The following ATG2A variants were observed in gnomAD, a reference collection of about 807,000 sequenced individuals.
ATG2A encodes autophagy related 2A.
In ATG2A, 103 loss-of-function variants were observed where a neutral mutation model predicts 214.2. The ratio of observed to expected loss-of-function variants is 0.48; its 90% confidence interval spans 0.41 to 0.57. The LOEUF (loss-of-function observed/expected upper bound fraction) is 0.57. ATG2A is among the 20% of genes least tolerant of loss of function. The probability of loss-of-function intolerance (pLI) is 0.00; values close to 1 mark genes in which losing one functional copy is unlikely to be tolerated. For synonymous variants in ATG2A, 1,160 were observed against 1,142.1 expected, an observed-to-expected ratio of 1.02 and a Z score of -0.32; for missense variants, 2,312 against 2,613.2, an observed-to-expected ratio of 0.88 and a Z score of 2.51.
In ATG2A at chr11:64,906,099, C is replaced by T. The variant is rs751168549; in HGVS notation, c.3264+14G>A. On this transcript the variant is annotated intron_variant, in intron 22 of 40. Coordinates refer to ENST00000377264, the MANE Select transcript of ATG2A (RefSeq NM_015104.3). ...AGTCACTGGGCCATGTGGCTTCCCA[C>T]CACCCACGCTCACCTGGGAATGCCA... The T allele has an allele frequency of 6.4e-7, 1 of 1,562,630 alleles. No homozygotes were observed. The highest frequency in any genetic ancestry group is 1.9e-5 in the Admixed American group (1 of 52,526).
chr11:64,904,453 G>A (rs1785412905), intron 24 of ATG2A, among the ~76,000 whole-genome samples: 2 of 152,060 alleles, frequency 1.3e-5, no homozygotes, highest in South Asian at 2.1e-4. Flanking sequence ...GCTGAGGCAG[G>A]AGAATCGCTT....
Position 64,898,478 on chromosome 11 carries a change from C to T in ATG2A, c.4672-116G>A, listed in dbSNP as rs985796603. 4.6e-6 allele frequency: 6 copies of T among 1,314,764 alleles called. No homozygotes were observed. Among genetic ancestry groups the T allele is most frequent in the Non-Finnish European group, 6.3e-6 (6 of 952,646 alleles). 81.4% of individuals were successfully genotyped at this position (1,314,764 alleles called of 1,614,324 possible). On this transcript the variant is annotated intron_variant, in intron 32 of 40. Transcript: ENST00000377264. The surrounding 1 kb of genome is among the most constrained non-coding windows in gnomAD (Gnocchi z 4.5). ...GCCTCTGAACACGCTGTTCCCTTCGCTAACACAGCCCCTAGCTCTGCCCTT... is the reference window on the plus strand; with the variant it reads ...GCCTCTGAACACGCTGTTCCCTTCGTTAACACAGCCCCTAGCTCTGCCCTT...
chr11:64,900,542 C>T lies in ATG2A; in HGVS notation c.4416G>A (p.Gly1472=), dbSNP rs368915370. The T allele has an allele frequency of 5.6e-6, 9 of 1,613,314 alleles. No homozygotes were observed. Among genetic ancestry groups the T allele is most frequent in the African/African-American group, 2.7e-5 (2 of 74,924 alleles). Residue 1472 remains glycine (G), a synonymous_variant, in exon 31 of 41, where the codon GGG becomes GGA. Coordinates refer to ENST00000377264, the MANE Select transcript of ATG2A (RefSeq NM_015104.3). ...GGACATGGTGCTGCCGCCCGCTGCCCCCCTGCGTGCGCCATGAGTTCTGGG... is the reference window on the plus strand; with the variant it reads ...GGACATGGTGCTGCCGCCCGCTGCCTCCCTGCGTGCGCCATGAGTTCTGGG... The part of the protein sequence containing the change: ...NRPQNSWRTQ[G]GSGRQHHVLM...
intron 21 of ATG2A, 47 bp from the exon 22 acceptor site, chr11:64,906,240 G>A (rs772235904): frequency 6.8e-5 from 109 of 1,607,650 alleles, no homozygotes; most frequent in Non-Finnish European, 7.8e-5. Flanking sequence ...CAGCCCCACC[G>A]TGCACTGGGG....
In ATG2A at chr11:64,911,889, C is replaced by A; in HGVS notation, c.1181G>T (p.Arg394Leu). ...LSDVDLASSV[R>L]SDMASRRLSA... The stretch of plus-strand genomic sequence containing the variant: ...GAGCCGGCGGGAGGCCATGTCGCTG[C>A]GCACAGAGGAGGCCAGGTCTACATC... Residue 394 changes from arginine to leucine, a missense_variant, in exon 9 of 41, where the codon CGC becomes CTC. Arg to Leu is a moderately radical substitution (Grantham distance 102). Transcript: ENST00000377264. 1 of 1,613,540 alleles carries A rather than the reference C, an allele frequency of 6.2e-7. No individual in the cohort carries two copies. Among genetic ancestry groups the A allele is most frequent in the Non-Finnish European group, 8.5e-7 (1 of 1,179,868 alleles).
intron 1 of ATG2A, 110 bp downstream of exon 1, chr11:64,916,855 G>T: frequency 1.4e-6 from 2 of 1,453,054 alleles, no homozygotes; most frequent in Non-Finnish European, 1.9e-6. Flanking sequence ...GATTCCCCTG[G>T]CCTCTCTACG....
At position 64,898,564 on chromosome 11, in the gene ATG2A, A is replaced by G. The variant is rs1354198326; in HGVS notation, c.4671+72T>C. On this transcript the variant is annotated intron_variant, in intron 32 of 40. Transcript: ENST00000377264. This position sits in a 1 kb window ranked among gnomAD's most constrained non-coding sequence, Gnocchi z 4.5. ...GGAATGCGTGTATGTGTGTGAATCC[A>G]TGCATGCGTGAAGATGTATCCCCAA... 1.9e-6 allele frequency: 3 copies of G among 1,541,550 alleles called. No homozygotes were observed. Among genetic ancestry groups the G allele is most frequent in the Non-Finnish European group, 2.7e-6 (3 of 1,118,036 alleles).
Position 64,902,616 on chromosome 11 carries a change from G to T in ATG2A, c.3677C>A (p.Ser1226Tyr). The change falls in exon 27 of 41, where the codon TCC becomes TAC. Residue 1226 changes from serine (S) to tyrosine (Y), a missense_variant. Coordinates refer to ENST00000377264, the MANE Select transcript of ATG2A (RefSeq NM_015104.3). ...NVVHVHSCAD[S>Y]CALLVNLLQY... ...GAGCAGGTTGACCAGCAGGGCACAG[G>T]AGTCGGCACAGCTGTGCACGTGTAC... 6.2e-7 allele frequency: 1 copy of T among 1,610,814 alleles called. No individual in the cohort carries two copies. The highest frequency in any genetic ancestry group is 8.5e-7 in the Non-Finnish European group (1 of 1,179,840).
At position 64,905,662 on chromosome 11, in the gene ATG2A, G is replaced by C; in HGVS notation, c.3372-7C>G. Reference sequence around the variant, plus strand: ...CACTGGGAGGTAGAGTGGCCTGGGGGTGATACTCGGGCTGGGGCCGGCTCC... The same window carrying C: ...CACTGGGAGGTAGAGTGGCCTGGGGCTGATACTCGGGCTGGGGCCGGCTCC... On this transcript the variant is annotated splice_region_variant and splice_polypyrimidine_tract_variant and intron_variant, in intron 23 of 40. Coordinates refer to ENST00000377264, the MANE Select transcript of ATG2A (RefSeq NM_015104.3). 1.2e-6 allele frequency: 2 copies of C among 1,613,844 alleles called. No individual in the cohort carries two copies. The highest frequency in any genetic ancestry group is 1.7e-6 in the Non-Finnish European group (2 of 1,179,916).
In ATG2A at chr11:64,911,057, A is replaced by G; in HGVS notation, c.1447T>C (p.Cys483Arg). 6.2e-7 allele frequency: 1 copy of G among 1,614,016 alleles called. No individual in the cohort carries two copies. Among genetic ancestry groups the G allele is most frequent in the Non-Finnish European group, 8.5e-7 (1 of 1,180,038 alleles). The change falls in exon 10 of 41, where the codon TGT (cysteine) becomes CGT (arginine). Residue 483 changes from cysteine to arginine, a missense_variant. Transcript: ENST00000377264. The stretch of plus-strand genomic sequence containing the variant: ...TTATACCGAACATGGCTACAGGGAC[A>G]GGCCCTCTGGAAGCGTGGTCGAAGG... ...HHLRPRFQRA[C>R]PCSHVRLTGT...
In ATG2A at chr11:64,911,823, C is replaced by T. The variant is rs369913057; in HGVS notation, c.1228+19G>A. 300 of 1,611,940 alleles carry T rather than the reference C, an allele frequency of 1.9e-4. No individual in the cohort carries two copies. The highest frequency in any genetic ancestry group is 1.0e-3 in the Admixed American group (61 of 59,968). ...AGTCCTTCCTGTCCCTGGAGTACCC[C>T]CAGGGTGCTCCAACTCACCAGCTGG... On this transcript the variant is annotated intron_variant, in intron 9 of 40. Coordinates refer to ENST00000377264, the MANE Select transcript of ATG2A (RefSeq NM_015104.3).
Position 64,909,908 on chromosome 11 carries a change from G to C in ATG2A, c.1880C>G (p.Ala627Gly), listed in dbSNP as rs2285347. The C allele has an allele frequency of 6.2e-7, 1 of 1,602,412 alleles. No individual in the cohort carries two copies. Among genetic ancestry groups the C allele is most frequent in the African/African-American group, 1.3e-5 (1 of 74,858 alleles). ...CCGAAATACCGTCTGCTGCTCCATC[G>C]CCGGCAGGGGCTCTGTCTGCAGGAG... ...PAGLLTEPLP[A>G]MEQQTVFRLS... The change falls in exon 14 of 41, where the codon GCG becomes GGG. Residue 627 changes from alanine to glycine, a missense_variant. Physicochemically the swap from Ala to Gly is moderately conservative, Grantham distance 60. Coordinates refer to ENST00000377264, the MANE Select transcript of ATG2A (RefSeq NM_015104.3).
rs999109938 is a variant in ATG2A, at chr11:64,913,753, T to C, written c.590+68A>G. 4 of 1,480,098 alleles carry C rather than the reference T, an allele frequency of 2.7e-6. No individual in the cohort carries two copies. In the African/African-American group the frequency reaches 5.6e-5, roughly 21 times the overall value. 91.7% of individuals were successfully genotyped at this position (1,480,098 alleles called of 1,614,324 possible). A position where few individuals can be genotyped will look rare whatever the true frequency, so the allele number is the denominator to read the frequency against. The stretch of plus-strand genomic sequence containing the variant: ...TCTTCCCAGGAACCTAGGCTGCGGG[T>C]GGGGACCATCCAGCAGCCCCCACTC... On this transcript the variant is annotated intron_variant, in intron 4 of 40. Transcript: ENST00000377264. This position sits in a 1 kb window ranked among gnomAD's most constrained non-coding sequence, Gnocchi z 4.3.
Position 64,896,866 on chromosome 11 carries a change from G to A in ATG2A, c.5154C>T (p.Leu1718=). 6.2e-7 allele frequency: 1 copy of A among 1,613,674 alleles called. No individual in the cohort carries two copies. The highest frequency in any genetic ancestry group is 8.5e-7 in the Non-Finnish European group (1 of 1,179,620). The change falls in exon 38 of 41, where the codon CTC becomes CTT. Residue 1718 remains leucine, a synonymous_variant. Transcript: ENST00000377264. ...AGCCCAGCACCTTGTCCACACCCAG[G>A]AGCCTGGCAGGGCAGGGAGGTGAGG... ...KLKRLCCRHG[L]LGVDKVLGYA...
In ATG2A at chr11:64,909,373, G is replaced by T; in HGVS notation, c.2108-6C>A. The T allele has an allele frequency of 6.2e-7, 1 of 1,611,400 alleles. No individual in the cohort carries two copies. On this transcript the variant is annotated splice_polypyrimidine_tract_variant and splice_region_variant and intron_variant, in intron 14 of 40. Coordinates refer to ENST00000377264, the MANE Select transcript of ATG2A (RefSeq NM_015104.3). ...CCCTCCATCTTCATAGATACCTGGA[G>T]GGGGATGGGGAATTAGGGGGGTCAT...
chr11:64,905,642 G>A lies in ATG2A; in HGVS notation c.3385C>T (p.Pro1129Ser), dbSNP rs1944517115. ...TCCGCGGTGATGAGGACACGCACTG[G>A]GAGGTAGAGTGGCCTGGGGGTGATA... Reference protein sequence around the residue: ...CSVDYRPLYLPVRVLITAETF... With the variant: ...CSVDYRPLYLSVRVLITAETF... The change falls in exon 24 of 41, where the codon CCA becomes TCA. Residue 1129 changes from proline (P) to serine (S), a missense_variant. By Grantham distance (74) the Pro-to-Ser change is moderately conservative. Coordinates refer to ENST00000377264, the MANE Select transcript of ATG2A (RefSeq NM_015104.3). The A allele has an allele frequency of 5.0e-6, 8 of 1,613,902 alleles. No homozygotes were observed. Among genetic ancestry groups the A allele is most frequent in the Non-Finnish European group, 6.8e-6 (8 of 1,179,928 alleles).
At chr11:64,906,872 C>G in intron 19 of ATG2A, 57 bp from the exon 20 acceptor site, 2 of 1,564,210 alleles carry the variant, frequency 1.3e-6, no homozygotes, top group Non-Finnish European at 1.7e-6. Flanking sequence ...CCCTCAAGCC[C>G]TCTGGGGGTT....
At chr11:64,905,059 T>C (rs1011828967) in intron 24 of ATG2A, among the ~76,000 whole-genome samples, 1 of 152,124 alleles carries the variant, frequency 6.6e-6, no homozygotes, top group Non-Finnish European at 1.5e-5. Context: ...TTTCACCATA[T>C]TGGCCAGGCT....
intron 39 of ATG2A, 34 bp downstream of exon 39, chr11:64,896,428 T>A (rs748162342): frequency 1.3e-6 from 2 of 1,585,152 alleles, no homozygotes; most frequent in Admixed American, 1.8e-5. Flanking sequence ...AGCTGCTCTG[T>A]CCTGCACAGC....
Sources: gnomAD v4.1 joint callset for allele counts (sites outside exome capture counted in the v4.1 genomes callset) on GRCh38, gnomAD v4.1.1 for gene constraint, Gnocchi (gnomAD v3.1) non-coding constraint, MANE v1.5 for transcripts, NCBI Gene and HGNC (gene_info 2026-07-23, HGNC 2026-07-21) for gene names.